Variants in KIFC3 observed in about 807,000 individuals in gnomAD.
KIFC3 encodes kinesin family member C3.
Under a neutral mutation model 101.8 loss-of-function variants are expected in KIFC3, and 60 were observed. The ratio of observed to expected loss-of-function variants is 0.59; its 90% CI spans 0.48 to 0.73. KIFC3 has a LOEUF of 0.73. Ranked by LOEUF, KIFC3 falls within the 30% of genes least tolerant of loss-of-function variation. The pLI is 0.00. For missense variants in KIFC3, 966 were observed against 1,137.1 expected, an observed-to-expected ratio of 0.85 and a Z score of 2.16; for synonymous variants, 476 against 482.7, an observed-to-expected ratio of 0.99 and a Z score of 0.18.
chr16:57,804,939 C>T (rs2054900054), upstream of KIFC3, among the ~76,000 whole-genome samples: 4 of 149,476 alleles, frequency 2.7e-5, no homozygotes, highest in Admixed American at 2.0e-4. Context: ...GGGGCTCGCT[C>T]TGTCACCCAA....
chr16:57,811,812 A>G (rs1228430201), intron 1 of KIFC3, among the ~76,000 whole-genome samples: 1 of 150,206 alleles, frequency 6.7e-6, no homozygotes, highest in African/African-American at 2.5e-5. Context: ...GCTACTTGGG[A>G]GGCTGAGGCG....
intron 3 of KIFC3, chr16:57,776,300 C>T (rs1400724524): frequency 1.0e-6 from 1 of 985,474 alleles, no homozygotes; most frequent in Non-Finnish European, 1.2e-6. Flanking sequence ...CTGTGGAGCC[C>T]ACAGAAGGCC....
At chr16:57,830,858 T>C (rs2055567543) in intron 1 of KIFC3, among the ~76,000 whole-genome samples, 1 of 152,196 alleles carries the variant, frequency 6.6e-6, no homozygotes, top group South Asian at 2.1e-4. Context: ...CCTGAAACAC[T>C]GATAAATTTA....
chr16:57,818,492 A>G (rs1205431320), intron 1 of KIFC3, among the ~76,000 whole-genome samples: 1 of 152,102 alleles, frequency 6.6e-6, no homozygotes, highest in Non-Finnish European at 1.5e-5. Context: ...AGCCTCTCCA[A>G]TAGCGGGGAT....
chr16:57,830,236 C>CTTTTTTTTTTTTTTT (rs34842791), intron 1 of KIFC3, among the ~76,000 whole-genome samples: 10 of 119,312 alleles, frequency 8.4e-5, no homozygotes, highest in Non-Finnish European at 1.2e-4. Flanking sequence ...TTTTTTCTTT[C>CTTTTTTTTTTTTTTT]TTTTTTTTTT....
At chr16:57,762,849 C>T (rs2050025916) in intron 12 of KIFC3, among the ~76,000 whole-genome samples, 2 of 152,228 alleles carry the variant, frequency 1.3e-5, no homozygotes, top group Admixed American at 1.3e-4. Context: ...CCACAGGGGC[C>T]TCCTGGCTGG....
rs370650013 is a variant in KIFC3 at position 57,845,026 on chromosome 16, G to T, written c.108+17703C>A. Among the ~76,000 whole-genome samples the T allele has an allele frequency of 2.0e-4, 31 of 152,228 alleles. 2 individuals carry two copies. In the East Asian group the frequency reaches 2.1e-3, roughly 10 times the overall value. ...GCCCATATGGTCTTGAGAAGAATTA[G>T]AATTTTTATAGCAGGGAGACAAAAA... On this transcript the variant is annotated intron_variant, in intron 1 of 2. Transcript: ENST00000563028.
rs558771369 is a variant in KIFC3, at chr16:57,777,317, T to A, written c.316-5029A>T. 8.5e-5 allele frequency among the ~76,000 whole-genome samples: 13 copies of A among 152,314 alleles called. No individual in the cohort carries two copies. The South Asian group carries it at 2.5e-3, about 29-fold the overall frequency. On this transcript the variant is annotated intron_variant, in intron 3 of 19. Transcript: ENST00000445690. Reference sequence around the variant, plus strand: ...AATGCAATGCCTAACAAAATCCCAATGACATTTTCTAAAGAAATAGAAAAA... The same window carrying A: ...AATGCAATGCCTAACAAAATCCCAAAGACATTTTCTAAAGAAATAGAAAAA...
chr16:57,778,073 G>A (rs1172173166), intron 3 of KIFC3, among the ~76,000 whole-genome samples: 2 of 152,212 alleles, frequency 1.3e-5, no homozygotes, highest in South Asian at 2.1e-4. Context: ...GAGCCCAGGA[G>A]TTCAAGACCA....
chr16:57,824,773 C>T (rs149799529), intron 1 of KIFC3, among the ~76,000 whole-genome samples: 157 of 152,250 alleles, frequency 1.0e-3, no homozygotes, highest in Non-Finnish European at 1.7e-3. Flanking sequence ...GTGCAATGAA[C>T]AAGGTGGGGA....
intron 2 of KIFC3, 63 bp downstream of exon 2, chr16:57,798,007 GTC>G (rs2054475889): frequency 6.4e-7 from 1 of 1,550,788 alleles, no homozygotes; most frequent in African/African-American, 1.4e-5. Flanking sequence ...AGAAACCTCA[GTC>G]TCATCTCTGG....
chr16:57,849,747 A>G (rs1446211714), intron 1 of KIFC3, among the ~76,000 whole-genome samples: 1 of 152,132 alleles, frequency 6.6e-6, no homozygotes, highest in Non-Finnish European at 1.5e-5. Flanking sequence ...TACTAAAAAT[A>G]CAAAAATTAG....
At chr16:57,801,888 G>A (rs954580773) in intron 1 of KIFC3, among the ~76,000 whole-genome samples, 1 of 152,210 alleles carries the variant, frequency 6.6e-6, no homozygotes, top group Non-Finnish European at 1.5e-5. Flanking sequence ...GGAGGGCACC[G>A]GCCAAGGCCC....
At chr16:57,806,086 G>A (rs531012139), upstream of KIFC3, among the ~76,000 whole-genome samples, 23 of 152,246 alleles carry the variant, frequency 1.5e-4, 1 homozygote, top group South Asian at 4.6e-3. Context: ...TCAGGCATTC[G>A]TCAGAGAAGT....
intron 3 of KIFC3, among the ~76,000 whole-genome samples, chr16:57,778,485 TCAA>T (rs1555612933): frequency 6.6e-6 from 1 of 152,150 alleles, no homozygotes; most frequent in African/African-American, 2.4e-5. Context: ...AAGGACACTA[TCAA>T]CAGAGTGAAA....
chr16:57,837,636 A>C (rs1402201378), intron 1 of KIFC3, among the ~76,000 whole-genome samples: 3 of 151,530 alleles, frequency 2.0e-5, no homozygotes, highest in African/African-American at 2.4e-5. Context: ...TGACATTTTC[A>C]TTTTCCCAGC....
intron 1 of KIFC3, among the ~76,000 whole-genome samples, chr16:57,853,285 G>A (rs552455925): frequency 6.6e-6 from 1 of 152,138 alleles, no homozygotes; most frequent in African/African-American, 2.4e-5. Flanking sequence ...TGGGCATGGT[G>A]GTACATGCCT....
At position 57,760,951 on chromosome 16, in the gene KIFC3, C is replaced by T. The variant is rs2049774529; in HGVS notation, c.2007G>A (p.Lys669=). 1 of 1,606,758 alleles carries T rather than the reference C, an allele frequency of 6.2e-7. No individual in the cohort carries two copies. Among genetic ancestry groups the T allele is most frequent in the African/African-American group, 1.3e-5 (1 of 74,868 alleles). The stretch of plus-strand genomic sequence containing the variant: ...AGCCAGCCAAGTCCACCAGGTTCAG[C>T]TTCCCTGCAGGGAAGGCACCCACCA... ...DCSTGLRTTG[K]LNLVDLAGSE... The change falls in exon 16 of 20, where the codon AAG becomes AAA. Residue 669 remains lysine, a synonymous_variant. Coordinates refer to ENST00000445690, the MANE Select transcript of KIFC3 (RefSeq NM_001130100.2).
At chr16:57,824,854 G>C (rs782351993) in intron 1 of KIFC3, among the ~76,000 whole-genome samples, 1 of 152,110 alleles carries the variant, frequency 6.6e-6, no homozygotes, top group Non-Finnish European at 1.5e-5. Context: ...TCTATTCCTA[G>C]GTTGGTCTCG....
Sources: gnomAD v4.1 joint callset for allele counts (sites outside exome capture counted in the v4.1 genomes callset) on GRCh38, gnomAD v4.1.1 for gene constraint, MANE v1.5 for transcripts, NCBI Gene and HGNC (gene_info 2026-07-23, HGNC 2026-07-21) for gene names.